The following KAZN variants were observed in gnomAD, a reference collection of about 807,000 sequenced individuals.
KAZN encodes kazrin.
KAZN carries 40 observed loss-of-function variants against 87.4 expected under a neutral mutation model. The observed-to-expected ratio is 0.46, with a 90% confidence interval of 0.36 to 0.60. The LOEUF is 0.60. Among genes scored for constraint, KAZN ranks in the 20% least tolerant of loss-of-function variants. The pLI, the probability that KAZN is intolerant of heterozygous loss-of-function variation, is 0.00. For synonymous variants in KAZN, 466 were observed against 458.3 expected (o/e 1.02, Z -0.22); for missense variants, 898 against 1,073.9 (o/e 0.84, Z 2.29).
At chr1:14,513,977 G>A (rs1385461962) in intron 2 of KAZN, among the ~76,000 whole-genome samples, 2 of 151,706 alleles carry the variant, frequency 1.3e-5, no homozygotes, top group Non-Finnish European at 2.9e-5. Flanking sequence ...ACCATTTGAA[G>A]TCAGGGACAT....
intron 2 of KAZN, among the ~76,000 whole-genome samples, chr1:14,582,619 T>G (rs1484407250): frequency 4.6e-5 from 7 of 152,056 alleles, no homozygotes; most frequent in Non-Finnish European, 1.5e-5. Flanking sequence ...AACCTTCAGG[T>G]GGGGCTCATC....
intron 12 of KAZN, 64 bp downstream of exon 12, chr1:15,103,524 T>G (rs1641167810): frequency 3.1e-6 from 3 of 973,628 alleles, no homozygotes; most frequent in Non-Finnish European, 3.2e-6. Context: ...CAAATCTATA[T>G]GCAAATCAAT....
intron 1 of KAZN, among the ~76,000 whole-genome samples, chr1:14,179,311 A>G (rs1646147645): frequency 1.3e-5 from 2 of 152,148 alleles, no homozygotes; most frequent in Admixed American, 6.5e-5. Context: ...TCTCTTTTCT[A>G]TGCTGGAGTC....
intron 2 of KAZN, among the ~76,000 whole-genome samples, chr1:14,333,786 A>G (rs1484629093): frequency 6.6e-6 from 1 of 152,058 alleles, no homozygotes; most frequent in Non-Finnish European, 1.5e-5. Flanking sequence ...GTGGGATTTG[A>G]ACAGAGATTT....
In KAZN at chr1:13,959,461, A is replaced by T. The variant is rs539904857; in HGVS notation, c.91+65705A>T. Among the ~76,000 whole-genome samples the T allele has an allele frequency of 9.2e-5, 14 of 152,320 alleles. No homozygotes were observed. In the East Asian group the frequency reaches 2.3e-3, roughly 25 times the overall value. Reference sequence around the variant, plus strand: ...TCCACATCTAATTCTCTTTATCCTCAGTCCCCAGCACACTTAGAAATGCTT... The same window carrying T: ...TCCACATCTAATTCTCTTTATCCTCTGTCCCCAGCACACTTAGAAATGCTT... On this transcript the variant is annotated intron_variant, in intron 1 of 16. Transcript: ENST00000636203.
At chr1:14,106,186 A>G (rs1644370364) in intron 1 of KAZN, among the ~76,000 whole-genome samples, 1 of 152,190 alleles carries the variant, frequency 6.6e-6, no homozygotes, top group South Asian at 2.1e-4. Flanking sequence ...ATGTTTGGAA[A>G]TCCAAGGTGT....
At chr1:14,841,337 C>CT (rs1557544800) in intron 1 of KAZN, among the ~76,000 whole-genome samples, 1 of 137,160 alleles carries the variant, frequency 7.3e-6, no homozygotes, top group African/African-American at 2.7e-5. Context: ...ACCCGGGAGG[C>CT]GGAGCTTGCA....
At chr1:14,731,518 G>A (rs900857863) in intron 1 of KAZN, among the ~76,000 whole-genome samples, 1 of 152,164 alleles carries the variant, frequency 6.6e-6, no homozygotes, top group Non-Finnish European at 1.5e-5. Context: ...CCTTCCCACA[G>A]AAGGTTTTGC....
At chr1:14,840,221 C>T (rs1647795588) in intron 1 of KAZN, among the ~76,000 whole-genome samples, 1 of 152,154 alleles carries the variant, frequency 6.6e-6, no homozygotes, top group Admixed American at 6.5e-5. Flanking sequence ...TCGATTATTG[C>T]TTTTATTTAA....
chr1:14,360,341 T>C (rs1013260260), intron 2 of KAZN, among the ~76,000 whole-genome samples: 5 of 152,214 alleles, frequency 3.3e-5, no homozygotes, highest in African/African-American at 1.2e-4. Flanking sequence ...GAAATTCCTC[T>C]AATCTTTTTT....
chr1:14,384,142 T>G (rs1661644987), intron 2 of KAZN, among the ~76,000 whole-genome samples: 1 of 150,426 alleles, frequency 6.6e-6, no homozygotes, highest in African/African-American at 2.4e-5. Flanking sequence ...ATAAGAATGC[T>G]TGTGATTTTT....
In KAZN at chr1:14,549,614, T is replaced by C. The variant is rs977039322; in HGVS notation, c.250-49369T>C. On this transcript the variant is annotated intron_variant, in intron 2 of 16. Transcript: ENST00000636203. ...GGTTAGGAGTTCTCCAGGCAACCCC[T>C]TTTTTTTTTTTTTTATTCAGGACAA... Among the ~76,000 whole-genome samples the C allele has an allele frequency of 1.7e-3, 70 of 41,208 alleles. No individual in the cohort carries two copies. The East Asian group carries it at 0.024, about 14-fold the overall frequency. 27.0% of individuals were successfully genotyped at this position (41,208 alleles called of 152,430 possible).
chr1:14,996,304 C>CT lies in KAZN; in HGVS notation c.418+35431dup, dbSNP rs1667856141. 6.6e-6 allele frequency among the ~76,000 whole-genome samples: 1 copy of CT among 152,138 alleles called. No individual in the cohort carries two copies. Among genetic ancestry groups the CT allele is most frequent in the Admixed American group, 6.5e-5 (1 of 15,270 alleles). On this transcript the variant is annotated intron_variant, in intron 2 of 14. Coordinates refer to ENST00000376030, the MANE Select transcript of KAZN (RefSeq NM_201628.3). The surrounding 1 kb of genome is among the most constrained non-coding windows in gnomAD (Gnocchi z 5.9). ...GACCAGCAAGCAGGATGACTCACAC[C>CT]TTCCCTTCTGTTCCCTCAGTCCCTT...
rs72869032 is a variant in KAZN at position 14,368,701 on chromosome 1, C to T, written c.249+188109C>T. 2.8e-3 allele frequency among the ~76,000 whole-genome samples: 422 copies of T among 152,262 alleles called. 4 individuals are homozygous for T. Among genetic ancestry groups the T allele is most frequent in the African/African-American group, 9.7e-3 (403 of 41,552 alleles). Reference sequence around the variant, plus strand: ...TCCTTGGAGTTCTTGGCCTGGACTACGACCATGCACCCAAACTGAAGAAAG... The same window carrying T: ...TCCTTGGAGTTCTTGGCCTGGACTATGACCATGCACCCAAACTGAAGAAAG... On this transcript the variant is annotated intron_variant, in intron 2 of 16. Coordinates refer to the KAZN transcript ENST00000636203.
At chr1:14,890,019 G>A (rs945042288) in intron 1 of KAZN, among the ~76,000 whole-genome samples, 5 of 152,166 alleles carry the variant, frequency 3.3e-5, no homozygotes, top group Non-Finnish European at 5.9e-5. Context: ...TTTTTATGTC[G>A]TCAACCTGCA....
intron 2 of KAZN, among the ~76,000 whole-genome samples, chr1:15,003,898 A>AT (rs1329380141): frequency 6.6e-6 from 1 of 152,124 alleles, no homozygotes; most frequent in African/African-American, 2.4e-5. Context: ...CCCTGCCCAC[A>AT]TACACACACC....
intron 2 of KAZN, among the ~76,000 whole-genome samples, chr1:14,347,754 G>A (rs1446775209): frequency 6.6e-6 from 1 of 152,100 alleles, no homozygotes; most frequent in Admixed American, 6.6e-5. Context: ...GTGAGTGTAT[G>A]ACTCCTACAA....
chr1:14,592,256 C>T (rs1460196761), intron 2 of KAZN, among the ~76,000 whole-genome samples: 12 of 152,182 alleles, frequency 7.9e-5, no homozygotes, highest in Non-Finnish European at 1.8e-4. Flanking sequence ...AGGACTGTCT[C>T]TTGGAGGGGG....
intron 1 of KAZN, among the ~76,000 whole-genome samples, chr1:14,048,980 G>T (rs1022345619): frequency 6.6e-6 from 1 of 152,130 alleles, no homozygotes; most frequent in Non-Finnish European, 1.5e-5. Context: ...GTGTGAGATG[G>T]TATCTCACTG....
Sources: allele counts gnomAD v4.1 joint callset (sites outside exome capture counted in the v4.1 genomes callset), GRCh38; gene constraint gnomAD v4.1.1; non-coding constraint Gnocchi (gnomAD v3.1); transcripts MANE v1.5; gene names NCBI Gene and HGNC (gene_info 2026-07-23, HGNC 2026-07-21).